The following TMEM223 variants were observed in gnomAD, a reference collection of about 807,000 sequenced individuals.
TMEM223 encodes transmembrane protein 223.
In TMEM223, 14 loss-of-function variants were observed where a neutral mutation model predicts 14.1. The ratio of observed to expected loss-of-function variants is 0.99; its 90% CI spans 0.66 to 1.55. The LOEUF is 1.55. Among genes scored for constraint, TMEM223 ranks in the 40% most tolerant of loss-of-function variants. TMEM223 has a pLI of 0.00. For synonymous variants in TMEM223, 145 were observed against 120.5 expected (o/e 1.20, Z -1.33); for missense variants, 346 against 269.9 (o/e 1.28, Z -1.97).
intron 1 of TMEM223, among the ~76,000 whole-genome samples, chr11:62,779,411 G>A (rs1036453295): frequency 2.0e-5 from 3 of 151,774 alleles, no homozygotes; most frequent in African/African-American, 7.3e-5. Flanking sequence ...TAGCCAGGAT[G>A]GTCTTGATCT....
At chr11:62,774,535 C>G (rs1423061299) in intron 2 of TMEM223, 7 of 453,644 alleles carry the variant, frequency 1.5e-5, no homozygotes, top group Non-Finnish European at 3.1e-5. Flanking sequence ...GTGGGTCATC[C>G]TGGATCTGGG....
downstream of TMEM223, chr11:62,785,885 G>A (rs1055617203): frequency 1.2e-5 from 2 of 161,922 alleles, no homozygotes; most frequent in Admixed American, 1.2e-4. Context: ...CTGGTTGGTT[G>A]TTTTTATGCA....
chr11:62,776,693 A>G (rs967708000), intron 1 of TMEM223, among the ~76,000 whole-genome samples: 2 of 152,104 alleles, frequency 1.3e-5, no homozygotes, highest in Non-Finnish European at 2.9e-5. Flanking sequence ...TTTACTAAAA[A>G]TACAGAAATT....
chr11:62,791,827 GC>G lies in TMEM223; in HGVS notation c.167del (p.Gly56AlafsTer78). 1 of 1,587,380 alleles carries G rather than the reference GC, an allele frequency of 6.3e-7. No homozygotes were observed. The highest frequency in any genetic ancestry group is 2.3e-5 in the East Asian group (1 of 43,500). ...TILGLFCAGQGVFWASMAVAA... is the reference protein window; with the variant it reads ...TILGLFCAGQXVFWASMAVAA... Reference sequence around the variant, plus strand: ...CCACAGCCATGGAAGCCCAGAAGACGCCCTGGCCCGCGCAGAACAGCCCGAG... The same window carrying G: ...CCACAGCCATGGAAGCCCAGAAGACGCCTGGCCCGCGCAGAACAGCCCGAG... On this transcript the variant is annotated frameshift_variant, in exon 1 of 2. Coordinates refer to ENST00000307366, the MANE Select transcript of TMEM223 (RefSeq NM_001080501.3). LOFTEE classifies it high-confidence loss of function.
rs2084346557 is a variant in TMEM223 at position 62,790,406 on chromosome 11, GTT to G, written c.*215_*216del. On this transcript the variant is annotated 3_prime_UTR_variant, in exon 2 of 2. Transcript: ENST00000307366. ...ATCTTGACCTCCTTGTGTGACCCTGGTTGTTACTCCATTCTAAGATTGGCGTT... is the reference window on the plus strand; with the variant it reads ...ATCTTGACCTCCTTGTGTGACCCTGGGTTACTCCATTCTAAGATTGGCGTT... The G allele has an allele frequency of 3.5e-6, 2 of 575,136 alleles. No homozygotes were observed. The highest frequency in any genetic ancestry group is 6.9e-5 in the Admixed American group (2 of 29,120). The allele number at this position is 575,136 out of a possible 1,614,324, so 35.6% of individuals were successfully genotyped here. A position where few individuals can be genotyped will look rare whatever the true frequency, so the allele number is the denominator to read the frequency against.
chr11:62,771,253 A>G (rs376758025), downstream of TMEM223: 1 of 152,236 alleles, frequency 6.6e-6, no homozygotes, highest in African/African-American at 2.4e-5. Context: ...AGAAGCGGGA[A>G]TCTTCAGCGT....
In TMEM223 at chr11:62,791,724, A is replaced by C; in HGVS notation, c.271T>G (p.Ser91Ala). ...GCCAGACCGTAGCGCCAGAGCGCGGAGCGCAGGTCGAAGGGGCCACGATTT... is the reference window on the plus strand; with the variant it reads ...GCCAGACCGTAGCGCCAGAGCGCGGCGCGCAGGTCGAAGGGGCCACGATTT... ...VPNRGPFDLRSALWRYGLAVG... is the reference protein window; with the variant it reads ...VPNRGPFDLRAALWRYGLAVG... Residue 91 changes from serine to alanine, a missense_variant, in exon 1 of 2, where the codon TCC (serine) becomes GCC (alanine). Ser to Ala is a moderately conservative substitution (Grantham distance 99). Transcript: ENST00000307366. The C allele has an allele frequency of 1.3e-6, 2 of 1,554,162 alleles. No individual in the cohort carries two copies. The highest frequency in any genetic ancestry group is 2.4e-5 in the South Asian group (2 of 84,532).
intron 1 of TMEM223, 130 bp from the exon 2 acceptor site, chr11:62,791,045 C>G (rs1173093880): frequency 1.0e-6 from 1 of 974,324 alleles, no homozygotes; most frequent in Non-Finnish European, 1.5e-6. Context: ...TTTTTTGAGA[C>G]TGAGTCTCAC....
At chr11:62,776,954 C>T (rs1413189340) in intron 1 of TMEM223, among the ~76,000 whole-genome samples, 1 of 152,042 alleles carries the variant, frequency 6.6e-6, no homozygotes, top group Non-Finnish European at 1.5e-5. Context: ...TGAGACCAAC[C>T]TGCCCAACAT....
chr11:62,787,450 C>T (rs1176717799), downstream of TMEM223: 2 of 1,569,280 alleles, frequency 1.3e-6, no homozygotes, highest in African/African-American at 1.4e-5. Flanking sequence ...GTCCTGGCTG[C>T]AGCGCGTCGA....
intron 1 of TMEM223, chr11:62,775,965 T>A: frequency 6.4e-6 from 10 of 1,570,732 alleles, no homozygotes; most frequent in Non-Finnish European, 8.6e-6. Flanking sequence ...CCTCCAACTT[T>A]CCTTGTTTCT....
downstream of TMEM223, chr11:62,788,938 C>A: frequency 7.0e-7 from 1 of 1,421,476 alleles, no homozygotes. Flanking sequence ...CAGGACCATT[C>A]CTAAGTTATC....
rs771496546 is a variant in TMEM223 at position 62,791,711 on chromosome 11, C to T, written c.284G>A (p.Arg95His). 3.2e-6 allele frequency: 5 copies of T among 1,549,660 alleles called. No individual in the cohort carries two copies. The highest frequency in any genetic ancestry group is 2.7e-5 in the African/African-American group (2 of 73,366). Reference protein sequence around the residue: ...GPFDLRSALWRYGLAVGCGAI... With the variant: ...GPFDLRSALWHYGLAVGCGAI... ...GCCGCAGCCGACGGCCAGACCGTAG[C>T]GCCAGAGCGCGGAGCGCAGGTCGAA... Residue 95 changes from arginine (R) to histidine (H), a missense_variant, in exon 1 of 2, where the codon CGC becomes CAC. By Grantham distance (29) the Arg-to-His change is conservative (BLOSUM62 0). Transcript: ENST00000307366.
chr11:62,789,840 T>G, downstream of TMEM223: 1 of 1,589,824 alleles, frequency 6.3e-7, no homozygotes, highest in Non-Finnish European at 8.6e-7. Context: ...AAGGACTGGA[T>G]TTGAAATGGT....
intron 1 of TMEM223, chr11:62,776,067 A>T: frequency 8.4e-7 from 1 of 1,196,584 alleles, no homozygotes; most frequent in Non-Finnish European, 1.1e-6. Context: ...CCTTTACAGA[A>T]CTCTACTTGT....
Position 62,790,826 on chromosome 11 carries a change from T to C in TMEM223, c.406A>G (p.Thr136Ala), listed in dbSNP as rs1399537822. 1 of 1,605,400 alleles carries C rather than the reference T, an allele frequency of 6.2e-7. No homozygotes were observed. Among genetic ancestry groups the C allele is most frequent in the Admixed American group, 1.7e-5 (1 of 58,444 alleles). ...CCCAAGCCAAAGGGGGCATGAGTGGTGAGGGTCACCTGCTGCCCTCCAGCT... is the reference window on the plus strand; with the variant it reads ...CCCAAGCCAAAGGGGGCATGAGTGGCGAGGGTCACCTGCTGCCCTCCAGCT... Reference protein sequence around the residue: ...LRAGGQQVTLTTHAPFGLGAH... With the variant: ...LRAGGQQVTLATHAPFGLGAH... Residue 136 changes from threonine to alanine, a missense_variant, in exon 2 of 2, where the codon ACC becomes GCC. Physicochemically the swap from Thr to Ala is moderately conservative, Grantham distance 58. Coordinates refer to ENST00000307366, the MANE Select transcript of TMEM223 (RefSeq NM_001080501.3).
chr11:62,788,829 T>G (rs890282977), downstream of TMEM223, among the ~76,000 whole-genome samples: 1 of 152,230 alleles, frequency 6.6e-6, no homozygotes. Context: ...TTTCTGATCC[T>G]TCTGGCCACT....
At chr11:62,780,660 T>G (rs1301741218) in intron 1 of TMEM223, among the ~76,000 whole-genome samples, 1 of 152,048 alleles carries the variant, frequency 6.6e-6, no homozygotes, top group Non-Finnish European at 1.5e-5. Flanking sequence ...CTGGGTGCGG[T>G]GGTTCACGCC....
chr11:62,782,964 G>C, downstream of TMEM223: 1 of 1,283,784 alleles, frequency 7.8e-7, no homozygotes, highest in Non-Finnish European at 1.1e-6. Context: ...GCCAGGCTCA[G>C]TGATACTTGA....
Sources: gnomAD v4.1 joint callset for allele counts (sites outside exome capture counted in the v4.1 genomes callset) on GRCh38, gnomAD v4.1.1 for gene constraint, MANE v1.5 for transcripts, NCBI Gene and HGNC (gene_info 2026-07-23, HGNC 2026-07-21) for gene names.